The following PLA2G4A variants were observed in gnomAD, a reference collection of about 807,000 sequenced individuals.
PLA2G4A encodes the protein phospholipase A2 group IVA.
Under a neutral mutation model 81.9 loss-of-function variants are expected in PLA2G4A, and 40 were observed. The ratio of observed to expected loss-of-function variants is 0.49; its 90% CI spans 0.38 to 0.64. The LOEUF (loss-of-function observed/expected upper bound fraction) is 0.64. PLA2G4A is among the 30% of genes least tolerant of loss of function. The pLI is 0.00. For synonymous variants in PLA2G4A, 302 were observed against 296.9 expected, an observed-to-expected ratio of 1.02 and a Z score of -0.18; for missense variants, 715 against 905.1, an observed-to-expected ratio of 0.79 and a Z score of 2.69.
intron 5 of PLA2G4A, among the ~76,000 whole-genome samples, chr1:186,901,997 C>T (rs182938912): frequency 8.3e-4 from 126 of 152,242 alleles, no homozygotes; most frequent in South Asian, 2.7e-3. Context: ...CCTTAGGTGA[C>T]TTCATTATTG....
chr1:186,876,916 C>T (rs531864248), intron 3 of PLA2G4A, among the ~76,000 whole-genome samples: 4 of 152,078 alleles, frequency 2.6e-5, no homozygotes, highest in African/African-American at 4.8e-5. Flanking sequence ...ACCTGTAGGG[C>T]GACCTGCTTA....
In PLA2G4A at chr1:186,911,226, C is replaced by T. The variant is rs780606943; in HGVS notation, c.417-22C>T. On this transcript the variant is annotated intron_variant, in intron 6 of 17. Coordinates refer to ENST00000367466, the MANE Select transcript of PLA2G4A (RefSeq NM_024420.3). ...GACCACTGGGAGCACTGGCTCATGACTTTATCTGTTTGGTATTACAGCTCA... is the reference window on the plus strand; with the variant it reads ...GACCACTGGGAGCACTGGCTCATGATTTTATCTGTTTGGTATTACAGCTCA... 6.2e-6 allele frequency: 10 copies of T among 1,610,882 alleles called. No homozygotes were observed. In the Admixed American group the frequency reaches 1.0e-4, roughly 16 times the overall value.
At position 186,903,326 on chromosome 1, in the gene PLA2G4A, G is replaced by A. The variant is rs535393383; in HGVS notation, c.379-3639G>A. On this transcript the variant is annotated intron_variant, in intron 5 of 17. Transcript: ENST00000367466. ...ATGTTGTAAATATTGGAGTACATAA[G>A]GGAAGTCATAGCATATTTGAAGAAC... Among the ~76,000 whole-genome samples the A allele has an allele frequency of 5.9e-5, 9 of 152,260 alleles. No homozygotes were observed. The South Asian group carries it at 1.9e-3, about 32-fold the overall frequency.
intron 17 of PLA2G4A, among the ~76,000 whole-genome samples, chr1:186,984,592 T>C (rs1657833523): frequency 6.6e-6 from 1 of 152,228 alleles, no homozygotes; most frequent in South Asian, 2.1e-4. Flanking sequence ...CATTAATTCA[T>C]TGATATTTCT....
chr1:186,950,836 G>A (rs528545955), intron 13 of PLA2G4A, 108 bp downstream of exon 13: 66 of 721,250 alleles, frequency 9.2e-5, no homozygotes, highest in East Asian at 7.0e-4. Flanking sequence ...CTTCAGACAC[G>A]GAAGTGATAA....
intron 8 of PLA2G4A, among the ~76,000 whole-genome samples, chr1:186,933,946 C>T (rs1023936717): frequency 1.9e-4 from 29 of 152,060 alleles, no homozygotes; most frequent in Admixed American, 1.7e-3. Context: ...TCCACAGTTT[C>T]TTAAATGTTT....
At chr1:186,897,619 G>A (rs547210249) in intron 5 of PLA2G4A, among the ~76,000 whole-genome samples, 10 of 151,982 alleles carry the variant, frequency 6.6e-5, no homozygotes, top group East Asian at 3.9e-4. Flanking sequence ...AGCCATTCCC[G>A]TGTCTCAGCC....
At chr1:186,890,879 A>G (rs1014781863) in intron 3 of PLA2G4A, among the ~76,000 whole-genome samples, 3 of 151,890 alleles carry the variant, frequency 2.0e-5, no homozygotes, top group African/African-American at 7.3e-5. Context: ...AAAAGAAAAA[A>G]ATTGTTGCTT....
chr1:186,975,473 T>A (rs1657498769), intron 15 of PLA2G4A, among the ~76,000 whole-genome samples: 1 of 152,246 alleles, frequency 6.6e-6, no homozygotes, highest in South Asian at 2.1e-4. Context: ...TGTAAGCCTG[T>A]ATGATAAAGT....
chr1:186,923,982 C>G (rs1167813712), intron 7 of PLA2G4A, among the ~76,000 whole-genome samples: 1 of 152,220 alleles, frequency 6.6e-6, no homozygotes, highest in Non-Finnish European at 1.5e-5. Flanking sequence ...TACTCCATAA[C>G]TGATGCCTGT....
At chr1:186,883,015 A>G (rs910303756) in intron 3 of PLA2G4A, among the ~76,000 whole-genome samples, 4 of 152,056 alleles carry the variant, frequency 2.6e-5, no homozygotes, top group African/African-American at 9.7e-5. Flanking sequence ...TTTTGTATTA[A>G]TTTTTGTCTT....
intron 3 of PLA2G4A, among the ~76,000 whole-genome samples, chr1:186,872,534 A>G (rs1363357747): frequency 1.3e-5 from 2 of 151,848 alleles, no homozygotes; most frequent in South Asian, 2.1e-4. Flanking sequence ...TTTTTAATCA[A>G]TGAAGCGTTC....
chr1:186,983,823 G>A (rs560540117), intron 17 of PLA2G4A, among the ~76,000 whole-genome samples: 5 of 152,074 alleles, frequency 3.3e-5, no homozygotes, highest in East Asian at 1.9e-4. Flanking sequence ...CTTGCTCTGC[G>A]GCCTCTTGGC....
Position 186,838,142 on chromosome 1 carries a change from G to T in PLA2G4A, c.-70+9107G>T, listed in dbSNP as rs116717551. On this transcript the variant is annotated intron_variant, in intron 1 of 17. Coordinates refer to ENST00000367466, the MANE Select transcript of PLA2G4A (RefSeq NM_024420.3). ...GTCCACCAAAGAAATTTAGAAAGATGTCTTGTAGTGTAGAGAACCTCTGTG... is the reference window on the plus strand; with the variant it reads ...GTCCACCAAAGAAATTTAGAAAGATTTCTTGTAGTGTAGAGAACCTCTGTG... Among the ~76,000 whole-genome samples the T allele has an allele frequency of 7.1e-3, 1,076 of 152,262 alleles. 5 individuals are homozygous for T. Among genetic ancestry groups the T allele is most frequent in the Non-Finnish European group, 0.011 (740 of 68,020 alleles).
At position 186,836,796 on chromosome 1, in the gene PLA2G4A, G is replaced by A. The variant is rs181739076; in HGVS notation, c.-70+7761G>A. On this transcript the variant is annotated intron_variant, in intron 1 of 17. Coordinates refer to ENST00000367466, the MANE Select transcript of PLA2G4A (RefSeq NM_024420.3). ...GAATAAAGCAGGTATAGTTCATTCC[G>A]TCTTAGTGGAGACAGATAATAAGTA... Among the ~76,000 whole-genome samples the A allele has an allele frequency of 1.7e-3, 264 of 152,238 alleles. 3 individuals are homozygous for A. Among genetic ancestry groups the A allele is most frequent in the Non-Finnish European group, 2.9e-3 (200 of 68,004 alleles).
chr1:186,829,735 GA>G (rs12720486), intron 1 of PLA2G4A, among the ~76,000 whole-genome samples: 11 of 151,496 alleles, frequency 7.3e-5, no homozygotes, highest in South Asian at 4.2e-4. Flanking sequence ...AAAAAAAACA[GA>G]AAAAAAAGGT....
At chr1:186,964,769 A>T (rs753573576) in intron 14 of PLA2G4A, among the ~76,000 whole-genome samples, 13 of 152,238 alleles carry the variant, frequency 8.5e-5, no homozygotes, top group Non-Finnish European at 1.3e-4. Context: ...GCTCTATCAG[A>T]GCAGAGCATG....
chr1:186,899,299 G>C lies in PLA2G4A; in HGVS notation c.378+5088G>C, dbSNP rs114996356. On this transcript the variant is annotated intron_variant, in intron 5 of 17. Coordinates refer to ENST00000367466, the MANE Select transcript of PLA2G4A (RefSeq NM_024420.3). The stretch of plus-strand genomic sequence containing the variant: ...AACAGCAAGTAGGAGAGTGTGGCTG[G>C]AGCACAAAGAAAGACTGGGAGGGAG... 5.6e-3 allele frequency among the ~76,000 whole-genome samples: 859 copies of C among 152,250 alleles called. 6 individuals are homozygous for C. The highest frequency in any genetic ancestry group is 7.2e-3 in the Non-Finnish European group (489 of 68,016).
intron 1 of PLA2G4A, among the ~76,000 whole-genome samples, chr1:186,834,049 C>A (rs74510705): frequency 6.6e-6 from 1 of 151,980 alleles, no homozygotes. Flanking sequence ...GGAAAAAAAT[C>A]GGTATTTTAG....
Sources: allele counts gnomAD v4.1 joint callset (sites outside exome capture counted in the v4.1 genomes callset), GRCh38; gene constraint gnomAD v4.1.1; transcripts MANE v1.5; gene names NCBI Gene and HGNC (gene_info 2026-07-23, HGNC 2026-07-21).